FGF14: variants seen among roughly 807,000 people sequenced by gnomAD.
FGF14 encodes the protein fibroblast growth factor homologous factor 4.
Under a neutral mutation model 25.5 loss-of-function variants are expected in FGF14, and 5 were observed. The ratio of observed to expected loss-of-function variants is 0.20; its 90% CI spans 0.10 to 0.41. The LOEUF (loss-of-function observed/expected upper bound fraction) is 0.41. FGF14 is among the 10% of genes least tolerant of loss of function. FGF14 has a pLI of 1.00. For missense variants in FGF14, 222 were observed against 320.1 expected, an observed-to-expected ratio of 0.69 and a Z score of 2.34; for synonymous variants, 138 against 118.3, an observed-to-expected ratio of 1.17 and a Z score of -1.08.
intron 1 of FGF14, among the ~76,000 whole-genome samples, chr13:102,157,615 A>G (rs1004621709): frequency 5.1e-4 from 78 of 152,354 alleles, no homozygotes; most frequent in Admixed American, 3.5e-3. Flanking sequence ...CTTCATGTCT[A>G]AAACACCAAA....
chr13:101,902,478 G>C (rs1266374576), intron 1 of FGF14, among the ~76,000 whole-genome samples: 1 of 152,110 alleles, frequency 6.6e-6, no homozygotes, highest in Non-Finnish European at 1.5e-5. Context: ...AATATATGCA[G>C]TTTACAGCCC....
intron 1 of FGF14, among the ~76,000 whole-genome samples, chr13:102,035,991 A>G (rs193012319): frequency 1.4e-4 from 21 of 152,288 alleles, no homozygotes; most frequent in African/African-American, 4.8e-4. Flanking sequence ...TAAATTAAGG[A>G]CAGAAAGGTA....
chr13:102,223,220 A>G (rs1270823423), intron 1 of FGF14, among the ~76,000 whole-genome samples: 1 of 152,204 alleles, frequency 6.6e-6, no homozygotes, highest in Non-Finnish European at 1.5e-5. Flanking sequence ...TTACTAAAAA[A>G]TATGGCTGGT....
chr13:102,095,103 A>G (rs2044330249), intron 1 of FGF14, among the ~76,000 whole-genome samples: 1 of 152,208 alleles, frequency 6.6e-6, no homozygotes, highest in South Asian at 2.1e-4. Context: ...TCGATCCAGA[A>G]ACCATAAATT....
Position 102,084,696 on chromosome 13 carries a change from A to C in FGF14, c.209-209400T>G, listed in dbSNP as rs1595216393. 2.0e-5 allele frequency among the ~76,000 whole-genome samples: 3 copies of C among 152,202 alleles called. No homozygotes were observed. In the South Asian group the frequency reaches 6.2e-4, roughly 32 times the overall value. ...ACAGAAGGAAAAGAATAAAAACCCC[A>C]GCAACAGGACGACTTTAAAGATGTA... is the stretch of plus-strand genomic sequence containing the variant. On this transcript the variant is annotated intron_variant, in intron 1 of 4. Transcript: ENST00000376131.
chr13:101,749,580 A>G (rs1196541340), intron 3 of FGF14, among the ~76,000 whole-genome samples: 1 of 152,130 alleles, frequency 6.6e-6, no homozygotes, highest in African/African-American at 2.4e-5. Flanking sequence ...TACAACCTCC[A>G]TGTTCAGAAT....
intron 1 of FGF14, among the ~76,000 whole-genome samples, chr13:102,388,532 C>T (rs1341868152): frequency 6.6e-6 from 1 of 152,204 alleles, no homozygotes. Context: ...TTCTGTTTCA[C>T]GCATCCTTCC....
At chr13:101,887,847 A>T (rs2046075329) in intron 1 of FGF14, among the ~76,000 whole-genome samples, 2 of 152,200 alleles carry the variant, frequency 1.3e-5, no homozygotes, top group South Asian at 4.1e-4. Context: ...CACATGCCCC[A>T]GAAATATGCA....
intron 1 of FGF14, among the ~76,000 whole-genome samples, chr13:102,389,793 G>A (rs966529750): frequency 9.3e-5 from 14 of 150,734 alleles, no homozygotes; most frequent in African/African-American, 3.4e-4. Flanking sequence ...GCCCCTGAAA[G>A]GATTTTGGGA....
intron 3 of FGF14, among the ~76,000 whole-genome samples, chr13:101,753,961 G>GA (rs911572043): frequency 6.6e-6 from 1 of 152,008 alleles, no homozygotes; most frequent in African/African-American, 2.4e-5. Flanking sequence ...CACTGCCCAT[G>GA]AAAAAAACAA....
rs965456997 is a variant in FGF14, at chr13:101,718,801, A to G, written c.*4030T>C. The G allele has an allele frequency of 2.0e-5, 3 of 151,990 alleles. No homozygotes were observed. The highest frequency in any genetic ancestry group is 7.2e-5 in the African/African-American group (3 of 41,384). 9.4% of individuals were successfully genotyped at this position (151,990 alleles called of 1,614,324 possible). On this transcript the variant is annotated 3_prime_UTR_variant, in exon 5 of 5. Coordinates refer to ENST00000376143, the MANE Select transcript of FGF14 (RefSeq NM_004115.4). ...ACCAGGAAAAAAAAAAAAAACTAAA[A>G]TATAACTCAGCCTTAGTTTGCAGAC... is the stretch of plus-strand genomic sequence containing the variant.
intron 1 of FGF14, among the ~76,000 whole-genome samples, chr13:102,127,276 T>C (rs999815082): frequency 1.3e-5 from 2 of 152,212 alleles, no homozygotes; most frequent in Non-Finnish European, 2.9e-5. Context: ...ATAATGCATT[T>C]GTACTAAGCA....
chr13:102,272,249 A>C (rs1264412908), intron 1 of FGF14, among the ~76,000 whole-genome samples: 1 of 152,094 alleles, frequency 6.6e-6, no homozygotes, highest in Admixed American at 6.5e-5. Context: ...ATGAAATTTG[A>C]GTTTAAATAT....
At chr13:101,974,933 T>C (rs542041308) in intron 1 of FGF14, among the ~76,000 whole-genome samples, 14 of 152,158 alleles carry the variant, frequency 9.2e-5, no homozygotes, top group African/African-American at 2.9e-4. Flanking sequence ...ATTCTTGAGG[T>C]AGAAGCTGAG....
At chr13:101,891,901 G>A (rs944616732) in intron 1 of FGF14, among the ~76,000 whole-genome samples, 9 of 152,082 alleles carry the variant, frequency 5.9e-5, no homozygotes, top group African/African-American at 2.2e-4. Context: ...TCTGATACAT[G>A]CTTCAGATGG....
chr13:101,771,514 A>G (rs1459140152), intron 3 of FGF14, among the ~76,000 whole-genome samples: 1 of 152,084 alleles, frequency 6.6e-6, no homozygotes. Flanking sequence ...TAAAATGAAC[A>G]CTTTAAATAT....
chr13:102,155,021 T>C (rs561743405), intron 1 of FGF14, among the ~76,000 whole-genome samples: 1 of 152,272 alleles, frequency 6.6e-6, no homozygotes, highest in South Asian at 2.1e-4. Context: ...AGCCAGTCCT[T>C]AGAGACCTAT....
At chr13:102,386,089 A>G (rs2058295839) in intron 1 of FGF14, among the ~76,000 whole-genome samples, 1 of 151,930 alleles carries the variant, frequency 6.6e-6, no homozygotes, top group African/African-American at 2.4e-5. Flanking sequence ...TTGTAATTCT[A>G]AAGGGGAGGG....
intron 2 of FGF14, among the ~76,000 whole-genome samples, chr13:101,871,932 A>G (rs1254879329): frequency 1.3e-5 from 2 of 152,028 alleles, no homozygotes; most frequent in African/African-American, 4.8e-5. Context: ...AGAGATCTAC[A>G]TATATTAGAC....
Sources: gnomAD v4.1 joint callset for allele counts (sites outside exome capture counted in the v4.1 genomes callset) on GRCh38, gnomAD v4.1.1 for gene constraint, MANE v1.5 for transcripts, NCBI Gene and HGNC (gene_info 2026-07-23, HGNC 2026-07-21) for gene names.